Variants in BCAS3 observed in about 807,000 individuals in gnomAD.
The protein encoded by BCAS3 is BCAS4/BCAS3 fusion.
A neutral mutation model predicts 116.1 loss-of-function variants in BCAS3; 53 were observed. That is an observed-to-expected ratio of 0.46 (90% CI 0.37 to 0.57). BCAS3 has a LOEUF of 0.57. Among genes scored for constraint, BCAS3 ranks in the 20% least tolerant of loss-of-function variants. The pLI is 0.00. For missense variants in BCAS3, 917 were observed against 1,165.4 expected (o/e 0.79, Z 3.10); for synonymous variants, 391 against 408.2 (o/e 0.96, Z 0.51).
At chr17:61,170,361 T>C (rs1186014172) in intron 22 of BCAS3, among the ~76,000 whole-genome samples, 1 of 151,986 alleles carries the variant, frequency 6.6e-6, no homozygotes, top group African/African-American at 2.4e-5. Flanking sequence ...GGTGCGACCT[T>C]GGCTCACTGC....
rs1272384071 is a variant in BCAS3, at chr17:61,347,668, C to T, written c.2426-20659C>T. ...AGCATAGCGACTGGTGCACAATAGA[C>T]ATCTGTTTTGTCTGTTGTGGAATTG... On this transcript the variant is annotated intron_variant, in intron 22 of 23. Coordinates refer to ENST00000407086, the MANE Select transcript of BCAS3 (RefSeq NM_017679.5). This position sits in a 1 kb window ranked among gnomAD's most constrained non-coding sequence, Gnocchi z 4.3. 6.6e-6 allele frequency among the ~76,000 whole-genome samples: 1 copy of T among 152,218 alleles called. No individual in the cohort carries two copies. The highest frequency in any genetic ancestry group is 1.5e-5 in the Non-Finnish European group (1 of 68,034).
At chr17:61,061,572 A>G (rs1283546156) in intron 19 of BCAS3, among the ~76,000 whole-genome samples, 1 of 152,210 alleles carries the variant, frequency 6.6e-6, no homozygotes, top group Non-Finnish European at 1.5e-5. Flanking sequence ...ACACAATTTA[A>G]TGACCAAAAA....
At position 61,104,626 on chromosome 17, in the gene BCAS3, G is replaced by A. The variant is rs1172575239; in HGVS notation, c.2425+20062G>A. The stretch of plus-strand genomic sequence containing the variant: ...GTGTCAGCGCCTTGAGCTCCAAATC[G>A]GGTATTACATGTCACCCTGTGAAAG... On this transcript the variant is annotated intron_variant, in intron 22 of 23. Coordinates refer to ENST00000407086, the MANE Select transcript of BCAS3 (RefSeq NM_017679.5). The surrounding 1 kb of genome is among the most constrained non-coding windows in gnomAD (Gnocchi z 4.1). 1.3e-5 allele frequency among the ~76,000 whole-genome samples: 2 copies of A among 152,032 alleles called. No individual in the cohort carries two copies. The highest frequency in any genetic ancestry group is 2.4e-5 in the African/African-American group (1 of 41,380).
At chr17:60,784,445 C>T (rs1467639032) in intron 6 of BCAS3, among the ~76,000 whole-genome samples, 2 of 149,716 alleles carry the variant, frequency 1.3e-5, no homozygotes, top group African/African-American at 2.5e-5. Flanking sequence ...ACTACAGGTG[C>T]CCGCCACCAT....
rs2058890140 is a variant in BCAS3, at chr17:61,368,956, G to A, written c.2593+462G>A. Among the ~76,000 whole-genome samples, 1 of 152,138 alleles carries A rather than the reference G, an allele frequency of 6.6e-6. No individual in the cohort carries two copies. Among genetic ancestry groups the A allele is most frequent in the Non-Finnish European group, 1.5e-5 (1 of 68,026 alleles). On this transcript the variant is annotated intron_variant, in intron 23 of 23. Transcript: ENST00000407086. The surrounding 1 kb of genome is among the most constrained non-coding windows in gnomAD (Gnocchi z 6.0). Reference sequence around the variant, plus strand: ...ACCAGCTTTTCCTCATGCTGCCTTTGGCCTTGCATTCTTGCCTCTGAGCGA... The same window carrying A: ...ACCAGCTTTTCCTCATGCTGCCTTTAGCCTTGCATTCTTGCCTCTGAGCGA...
In BCAS3 at chr17:61,084,629, C is replaced by G; in HGVS notation, c.2425+65C>G. The G allele has an allele frequency of 7.7e-7, 1 of 1,306,422 alleles. No individual in the cohort carries two copies. Among genetic ancestry groups the G allele is most frequent in the Non-Finnish European group, 1.1e-6 (1 of 910,052 alleles). 80.9% of individuals were successfully genotyped at this position (1,306,422 alleles called of 1,614,324 possible). On this transcript the variant is annotated intron_variant, in intron 22 of 23. Coordinates refer to ENST00000407086, the MANE Select transcript of BCAS3 (RefSeq NM_017679.5). This position sits in a 1 kb window ranked among gnomAD's most constrained non-coding sequence, Gnocchi z 5.5. ...TGCATTTTTAACTAATTTTCTCGCA[C>G]AATGTAGAGGATGACATTTATTTGC...
chr17:61,026,712 A>T lies in BCAS3; in HGVS notation c.1638-7954A>T, dbSNP rs117271624. On this transcript the variant is annotated intron_variant, in intron 16 of 23. Transcript: ENST00000407086. This position sits in a 1 kb window ranked among gnomAD's most constrained non-coding sequence, Gnocchi z 5.0. ...CTACACATCATTCTGTTTATTGGTT[A>T]TATCAGACAGTATGTACAGCAGAAT... 1.3e-5 allele frequency among the ~76,000 whole-genome samples: 2 copies of T among 152,068 alleles called. No individual in the cohort carries two copies. Among genetic ancestry groups the T allele is most frequent in the Admixed American group, 6.6e-5 (1 of 15,240 alleles).
chr17:61,084,103 T>C lies in BCAS3; in HGVS notation c.2328-364T>C, dbSNP rs1401163554. Reference sequence around the variant, plus strand: ...TAGTGAATTTCAGGATTCTCAAAACTCTTCATGTGTGTCCCTTGGAAATCC... The same window carrying C: ...TAGTGAATTTCAGGATTCTCAAAACCCTTCATGTGTGTCCCTTGGAAATCC... On this transcript the variant is annotated intron_variant, in intron 21 of 23. Coordinates refer to ENST00000407086, the MANE Select transcript of BCAS3 (RefSeq NM_017679.5). This position sits in a 1 kb window ranked among gnomAD's most constrained non-coding sequence, Gnocchi z 5.5. Among the ~76,000 whole-genome samples, 1 of 152,208 alleles carries C rather than the reference T, an allele frequency of 6.6e-6. No homozygotes were observed. The highest frequency in any genetic ancestry group is 1.5e-5 in the Non-Finnish European group (1 of 68,038).
At chr17:61,114,087 T>A (rs1236887571) in intron 22 of BCAS3, among the ~76,000 whole-genome samples, 6 of 150,730 alleles carry the variant, frequency 4.0e-5, no homozygotes, top group African/African-American at 1.2e-4. Context: ...TGGGATGTAT[T>A]TCAAAATAAT....
Position 60,756,928 on chromosome 17 carries a change from T to C in BCAS3, c.403+9649T>C, listed in dbSNP as rs376248116. On this transcript the variant is annotated intron_variant, in intron 6 of 23. Transcript: ENST00000407086. ...TTGGCCAGGCGCGGTGGCTCATGTC[T>C]GTAATCCCAGCGGATCACGAGGTCA... Among the ~76,000 whole-genome samples, 16 of 152,266 alleles carry C rather than the reference T, an allele frequency of 1.1e-4. 1 individual carries two copies. The highest frequency in any genetic ancestry group is 3.9e-4 in the African/African-American group (16 of 41,550).
At chr17:61,035,514 C>G (rs772688602) in intron 17 of BCAS3, among the ~76,000 whole-genome samples, 4 of 140,958 alleles carry the variant, frequency 2.8e-5, no homozygotes. Context: ...ACTCGGGAGG[C>G]AGAGGTTGCA....
At chr17:61,015,181 A>G (rs1300065927) in intron 15 of BCAS3, among the ~76,000 whole-genome samples, 1 of 152,232 alleles carries the variant, frequency 6.6e-6, no homozygotes, top group African/African-American at 2.4e-5. Context: ...TAAGCAGGGC[A>G]ACAAACCACT....
At chr17:60,937,418 A>G (rs1319811455) in intron 13 of BCAS3, among the ~76,000 whole-genome samples, 1 of 151,660 alleles carries the variant, frequency 6.6e-6, no homozygotes, top group Non-Finnish European at 1.5e-5. Flanking sequence ...TTGTCCTCAC[A>G]TTTATTTTTG....
chr17:60,904,523 G>T (rs1438549208), intron 11 of BCAS3, among the ~76,000 whole-genome samples: 2 of 151,924 alleles, frequency 1.3e-5, no homozygotes, highest in African/African-American at 4.8e-5. Context: ...TTAAGACTAT[G>T]AAATTATGTT....
chr17:61,210,518 T>C (rs1443326023), intron 22 of BCAS3, among the ~76,000 whole-genome samples: 1 of 152,182 alleles, frequency 6.6e-6, no homozygotes, highest in Non-Finnish European at 1.5e-5. Flanking sequence ...TGAATTTCTT[T>C]CCCAGCTCAT....
intron 15 of BCAS3, among the ~76,000 whole-genome samples, chr17:61,015,134 A>G (rs1457543435): frequency 6.6e-6 from 1 of 152,198 alleles, no homozygotes; most frequent in Non-Finnish European, 1.5e-5. Flanking sequence ...TTGACAAGGT[A>G]TGGGGGAACT....
chr17:60,959,300 C>T (rs1470306), intron 14 of BCAS3, among the ~76,000 whole-genome samples: 17,002 of 151,878 alleles, frequency 0.11, 3,141 homozygotes, highest in African/African-American at 0.39. Flanking sequence ...GAGCAAACCC[C>T]TGTCTCAAAA....
rs1483759089 is a variant in BCAS3 at position 61,041,380 on chromosome 17, T to TA, written c.2029+488_2029+489insA. Among the ~76,000 whole-genome samples, 1 of 152,228 alleles carries TA rather than the reference T, an allele frequency of 6.6e-6. No individual in the cohort carries two copies. The highest frequency in any genetic ancestry group is 2.4e-5 in the African/African-American group (1 of 41,476). On this transcript the variant is annotated intron_variant, in intron 19 of 23. Transcript: ENST00000407086. The surrounding 1 kb of genome is among the most constrained non-coding windows in gnomAD (Gnocchi z 4.7). ...TACATTTGTTAATTTGTTTGTTTAC[T>TA]TATATGTTTAAGCGTGAGCATTTGT...
chr17:60,970,575 A>C (rs1041222315), intron 14 of BCAS3, among the ~76,000 whole-genome samples: 1 of 152,230 alleles, frequency 6.6e-6, no homozygotes, highest in Admixed American at 6.5e-5. Context: ...AATTTAAGAC[A>C]AAGCCTATTA....
Sources: gnomAD v4.1 joint callset for allele counts (sites outside exome capture counted in the v4.1 genomes callset) on GRCh38, gnomAD v4.1.1 for gene constraint, Gnocchi (gnomAD v3.1) non-coding constraint, MANE v1.5 for transcripts, NCBI Gene and HGNC (gene_info 2026-07-23, HGNC 2026-07-21) for gene names.